Variants in SLC30A1 observed in about 807,000 individuals in gnomAD.
SLC30A1 encodes the protein proton-coupled zinc antiporter SLC30A1.
SLC30A1 carries 7 observed loss-of-function variants against 29.8 expected under a neutral mutation model. The observed-to-expected ratio is 0.23, with a 90% CI of 0.13 to 0.44. SLC30A1 has a LOEUF of 0.44. Ranked by LOEUF, SLC30A1 falls within the 20% of genes least tolerant of loss-of-function variation. The pLI, the probability that SLC30A1 is intolerant of heterozygous loss-of-function variation, is 1.00. For synonymous variants in SLC30A1, 254 were observed against 253.5 expected (o/e 1.00, Z -0.02); for missense variants, 446 against 647.9 (o/e 0.69, Z 3.38).
Position 211,577,927 on chromosome 1 carries a change from A to C in SLC30A1, c.622+64T>G, listed in dbSNP as rs1706741447. 6 of 1,593,126 alleles carry C rather than the reference A, an allele frequency of 3.8e-6. No individual in the cohort carries two copies. Among genetic ancestry groups the C allele is most frequent in the South Asian group, 3.4e-5 (3 of 89,072 alleles). ...GGGGGCGTGCGGGCCACCCCGCCGAAGGCCAGGCGAGGCTCTGGGCACCCC... is the reference window on the plus strand; with the variant it reads ...GGGGGCGTGCGGGCCACCCCGCCGACGGCCAGGCGAGGCTCTGGGCACCCC... On this transcript the variant is annotated intron_variant, in intron 1 of 1. Coordinates refer to ENST00000367001, the MANE Select transcript of SLC30A1 (RefSeq NM_021194.3). The surrounding 1 kb of genome is among the most constrained non-coding windows in gnomAD (Gnocchi z 4.5).
Position 211,574,865 on chromosome 1 carries a change from T to A in SLC30A1, c.*523A>T, listed in dbSNP as rs1706699728. 1 of 153,342 alleles carries A rather than the reference T, an allele frequency of 6.5e-6. No homozygotes were observed. The highest frequency in any genetic ancestry group is 1.5e-5 in the Non-Finnish European group (1 of 68,860). 9.5% of individuals were successfully genotyped at this position (153,342 alleles called of 1,614,324 possible). ...ATACAGGATAGTAACTGATCTTATTTCCTACTAATAGCCATGAGTCACTCT... is the reference window on the plus strand; with the variant it reads ...ATACAGGATAGTAACTGATCTTATTACCTACTAATAGCCATGAGTCACTCT... On this transcript the variant is annotated 3_prime_UTR_variant, in exon 2 of 2. Transcript: ENST00000367001.
chr1:211,572,060 T>C lies in SLC30A1; in HGVS notation c.*3328A>G, dbSNP rs1706660012. On this transcript the variant is annotated 3_prime_UTR_variant, in exon 2 of 2. Transcript: ENST00000367001. The stretch of plus-strand genomic sequence containing the variant: ...GTTTAAAAGTTTAAATTGAATAACA[T>C]ACAAAAGGCTCTTGTGCCAGTGAAA... 6.6e-6 allele frequency: 1 copy of C among 152,106 alleles called. No individual in the cohort carries two copies. Among genetic ancestry groups the C allele is most frequent in the South Asian group, 2.1e-4 (1 of 4,830 alleles). 9.4% of individuals were successfully genotyped at this position (152,106 alleles called of 1,614,324 possible). A position where few individuals can be genotyped will look rare whatever the true frequency, so the allele number is the denominator to read the frequency against.
Position 211,575,221 on chromosome 1 carries a change from TA to T in SLC30A1, c.*166del, listed in dbSNP as rs1463148321. 3 of 621,956 alleles carry T rather than the reference TA, an allele frequency of 4.8e-6. No individual in the cohort carries two copies. Among genetic ancestry groups the T allele is most frequent in the Non-Finnish European group, 8.4e-6 (3 of 359,270 alleles). The allele number at this position is 621,956 out of a possible 1,614,324, so 38.5% of individuals were successfully genotyped here. A position where few individuals can be genotyped will look rare whatever the true frequency, so the allele number is the denominator to read the frequency against. ...TGTACTAATAATCACAAAATTGTAA[TA>T]TAGAACTCTGTTATGCAGTCCCATT... On this transcript the variant is annotated 3_prime_UTR_variant, in exon 2 of 2. Coordinates refer to ENST00000367001, the MANE Select transcript of SLC30A1 (RefSeq NM_021194.3). The surrounding 1 kb of genome is among the most constrained non-coding windows in gnomAD (Gnocchi z 6.0).
rs1706660374 is a variant in SLC30A1, at chr1:211,572,069, C to T, written c.*3319G>A. On this transcript the variant is annotated 3_prime_UTR_variant, in exon 2 of 2. Transcript: ENST00000367001. ...TTTAAATTGAATAACATACAAAAGG[C>T]TCTTGTGCCAGTGAAAATGACTGCT... 1 of 152,048 alleles carries T rather than the reference C, an allele frequency of 6.6e-6. No homozygotes were observed. 9.4% of individuals were successfully genotyped at this position (152,048 alleles called of 1,614,324 possible).
In SLC30A1 at chr1:211,573,119, C is replaced by T. The variant is rs1181344785; in HGVS notation, c.*2269G>A. ...TTTTTAAAAGATAATGCTAATATAG[C>T]TACAATGGGTTAGAAAGTGCATTGT... On this transcript the variant is annotated 3_prime_UTR_variant, in exon 2 of 2. Transcript: ENST00000367001. 3 of 151,904 alleles carry T rather than the reference C, an allele frequency of 2.0e-5. No individual in the cohort carries two copies. The highest frequency in any genetic ancestry group is 4.4e-5 in the Non-Finnish European group (3 of 67,888). 9.4% of individuals were successfully genotyped at this position (151,904 alleles called of 1,614,324 possible).
In SLC30A1 at chr1:211,578,760, G is replaced by A. The variant is rs1377290817; in HGVS notation, c.-148C>T. The A allele has an allele frequency of 1.4e-6, 1 of 711,034 alleles. No homozygotes were observed. Among genetic ancestry groups the A allele is most frequent in the Non-Finnish European group, 2.0e-6 (1 of 493,150 alleles). The allele number at this position is 711,034 out of a possible 1,614,324, so 44.0% of individuals were successfully genotyped here. On this transcript the variant is annotated 5_prime_UTR_variant, in exon 1 of 2. Coordinates refer to ENST00000367001, the MANE Select transcript of SLC30A1 (RefSeq NM_021194.3). Reference sequence around the variant, plus strand: ...CGCTGAGGGGCCCCCGCGGCCGCACGGGGACAAGCCCGGGTCAAGCCGCCG... The same window carrying A: ...CGCTGAGGGGCCCCCGCGGCCGCACAGGGACAAGCCCGGGTCAAGCCGCCG...
Position 211,578,704 on chromosome 1 carries a change from A to G in SLC30A1, c.-92T>C, listed in dbSNP as rs1010334124. 3 of 1,308,424 alleles carry G rather than the reference A, an allele frequency of 2.3e-6. No homozygotes were observed. In the African/African-American group the frequency reaches 4.7e-5, roughly 21 times the overall value. The allele number at this position is 1,308,424 out of a possible 1,614,324, so 81.1% of individuals were successfully genotyped here. A position where few individuals can be genotyped will look rare whatever the true frequency, so the allele number is the denominator to read the frequency against. ...CGGAGGGTCGGCGACCGCGACACGG[A>G]GGAGCGCCCGAGTCGGGCCGTTCGG... On this transcript the variant is annotated 5_prime_UTR_variant, in exon 1 of 2. Transcript: ENST00000367001.
chr1:211,578,247 G>A lies in SLC30A1; in HGVS notation c.366C>T (p.Ala122=), dbSNP rs1706747532. The A allele has an allele frequency of 5.0e-6, 8 of 1,612,006 alleles. No homozygotes were observed. The highest frequency in any genetic ancestry group is 6.8e-6 in the Non-Finnish European group (8 of 1,179,468). Residue 122 remains alanine, a synonymous_variant, in exon 1 of 2, where the codon GCC becomes GCT. Transcript: ENST00000367001. ...QPLVVLGVGV[A]GLLVNVLGLC... ...GCCCCAGCACGTTGACCAGCAGCCC[G>A]GCCACGCCGACCCCAAGGACCACCA...
Position 211,575,300 on chromosome 1 carries a change from ACAC to A in SLC30A1, c.*85_*87del. On this transcript the variant is annotated 3_prime_UTR_variant, in exon 2 of 2. Transcript: ENST00000367001. The surrounding 1 kb of genome is among the most constrained non-coding windows in gnomAD (Gnocchi z 6.0). ...GTGTGACCAGACAAGGACTTCAATT[ACAC>A]TACTTGGCAAACTTAGAATTTCAGT... The A allele has an allele frequency of 8.9e-7, 1 of 1,127,922 alleles. No homozygotes were observed. Among genetic ancestry groups the A allele is most frequent in the Admixed American group, 2.3e-5 (1 of 43,102 alleles). The allele number at this position is 1,127,922 out of a possible 1,614,324, so 69.9% of individuals were successfully genotyped here. A position where few individuals can be genotyped will look rare whatever the true frequency, so the allele number is the denominator to read the frequency against.
Position 211,574,107 on chromosome 1 carries a change from A to G in SLC30A1, c.*1281T>C, listed in dbSNP as rs972684688. ...TCAAGGACAAAAATCTAATTTTGTC[A>G]CAAAGCATACCCTCTATCAAGAAAA... On this transcript the variant is annotated 3_prime_UTR_variant, in exon 2 of 2. Coordinates refer to ENST00000367001, the MANE Select transcript of SLC30A1 (RefSeq NM_021194.3). 1.3e-5 allele frequency: 2 copies of G among 152,594 alleles called. No homozygotes were observed. The highest frequency in any genetic ancestry group is 3.9e-4 in the East Asian group (2 of 5,190). The allele number at this position is 152,594 out of a possible 1,614,324, so 9.5% of individuals were successfully genotyped here.
Position 211,578,271 on chromosome 1 carries a change from C to T in SLC30A1, c.342G>A (p.Leu114=). 6.2e-7 allele frequency: 1 copy of T among 1,612,262 alleles called. No individual in the cohort carries two copies. Among genetic ancestry groups the T allele is most frequent in the Non-Finnish European group, 8.5e-7 (1 of 1,179,600 alleles). Residue 114 remains leucine (L), a synonymous_variant, in exon 1 of 2, where the codon CTG becomes CTA. Transcript: ENST00000367001. Reference sequence around the variant, plus strand: ...CGGCCACGCCGACCCCAAGGACCACCAGCGGCTGCTGCATCTCGTGCGGCT... The same window carrying T: ...CGGCCACGCCGACCCCAAGGACCACTAGCGGCTGCTGCATCTCGTGCGGCT... ...FIEPHEMQQP[L]VVLGVGVAGL...
rs1404130206 is a variant in SLC30A1 at position 211,571,893 on chromosome 1, T to TA, written c.*3494dup. The TA allele has an allele frequency of 1.3e-5, 2 of 152,196 alleles. No individual in the cohort carries two copies. Among genetic ancestry groups the TA allele is most frequent in the Admixed American group, 1.3e-4 (2 of 15,290 alleles). 9.4% of individuals were successfully genotyped at this position (152,196 alleles called of 1,614,324 possible). ...GTTTCATAATCACAGAATATACTGA[T>TA]ACACTTCATTGTGCTGTTTCAAGGC... On this transcript the variant is annotated 3_prime_UTR_variant, in exon 2 of 2. Coordinates refer to ENST00000367001, the MANE Select transcript of SLC30A1 (RefSeq NM_021194.3).
chr1:211,575,666 T>C lies in SLC30A1; in HGVS notation c.1246A>G (p.Thr416Ala). 1 of 1,614,176 alleles carries C rather than the reference T, an allele frequency of 6.2e-7. No homozygotes were observed. ...ACACTAGCAAATTCAGGCTGAATGG[T>C]AGTAGCGTGAATTCCGTGATTATGA... ...VFHNHGIHATTIQPEFASVGS... is the reference protein window; with the variant it reads ...VFHNHGIHATAIQPEFASVGS... The change falls in exon 2 of 2, where the codon ACC becomes GCC. Residue 416 changes from threonine to alanine, a missense_variant. Around this residue, in one of 5 missense-constraint regions of SLC30A1, gnomAD observed 187 missense variants for 312.7 expected, o/e 0.60. Transcript: ENST00000367001. The surrounding 1 kb of genome is among the most constrained non-coding windows in gnomAD (Gnocchi z 6.0).
chr1:211,577,609 T>A lies in SLC30A1; in HGVS notation c.622+382A>T, dbSNP rs896199641. On this transcript the variant is annotated intron_variant, in intron 1 of 1. Transcript: ENST00000367001. This position sits in a 1 kb window ranked among gnomAD's most constrained non-coding sequence, Gnocchi z 4.5. The stretch of plus-strand genomic sequence containing the variant: ...TCCCAAGAGGGCCAAGGAATTGAAT[T>A]GGGAAGCATTTCTGACGCTGTTATA... Among the ~76,000 whole-genome samples the A allele has an allele frequency of 6.6e-6, 1 of 152,158 alleles. No individual in the cohort carries two copies. The highest frequency in any genetic ancestry group is 1.9e-4 in the East Asian group (1 of 5,196).
rs1706759625 is a variant in SLC30A1, at chr1:211,579,148, C to G, written c.-536G>C. Among the ~76,000 whole-genome samples, 1 of 152,236 alleles carries G rather than the reference C, an allele frequency of 6.6e-6. No individual in the cohort carries two copies. The highest frequency in any genetic ancestry group is 1.5e-5 in the Non-Finnish European group (1 of 68,036). ...ACGGCAGCTGCACTCGGCCCGGTCTCGGGCGCCTTCTTCGCCCCCCCGCCT... is the reference window on the plus strand; with the variant it reads ...ACGGCAGCTGCACTCGGCCCGGTCTGGGGCGCCTTCTTCGCCCCCCCGCCT... On this transcript the variant is annotated 5_prime_UTR_variant, in exon 1 of 2. Transcript: ENST00000367001.
chr1:211,576,248 C>T lies in SLC30A1; in HGVS notation c.664G>A (p.Val222Met). ...GGTTCTCTGACAAGATTTCCATTCA[C>T]TTGTACTTCCACTGTATCACCACTT... The part of the protein sequence containing the change: ...PRSGDTVEVQ[V>M]NGNLVREPDH... The change falls in exon 2 of 2, where the codon GTG (valine) becomes ATG (methionine). Residue 222 changes from valine to methionine, a missense_variant. Coordinates refer to ENST00000367001, the MANE Select transcript of SLC30A1 (RefSeq NM_021194.3). The T allele has an allele frequency of 1.2e-6, 2 of 1,610,982 alleles. No individual in the cohort carries two copies. The highest frequency in any genetic ancestry group is 1.7e-6 in the Non-Finnish European group (2 of 1,179,052).
At position 211,575,200 on chromosome 1, in the gene SLC30A1, C is replaced by T. The variant is rs1450398476; in HGVS notation, c.*188G>A. ...AGTCACAGCATAGCTGTACTCTGTA[C>T]TAATAATCACAAAATTGTAATATAG... On this transcript the variant is annotated 3_prime_UTR_variant, in exon 2 of 2. Transcript: ENST00000367001. The surrounding 1 kb of genome is among the most constrained non-coding windows in gnomAD (Gnocchi z 6.0). The T allele has an allele frequency of 8.6e-6, 5 of 579,744 alleles. No individual in the cohort carries two copies. The highest frequency in any genetic ancestry group is 1.5e-5 in the Non-Finnish European group (5 of 332,350). The allele number at this position is 579,744 out of a possible 1,614,324, so 35.9% of individuals were successfully genotyped here. A position where few individuals can be genotyped will look rare whatever the true frequency, so the allele number is the denominator to read the frequency against.
rs988291473 is a variant in SLC30A1 at position 211,573,217 on chromosome 1, GA to G, written c.*2170del. ...CCACTGTTTCTGCCGACAGTCATTT[GA>G]AAAAAGAAAATCCTATGGTACCACC... On this transcript the variant is annotated 3_prime_UTR_variant, in exon 2 of 2. Transcript: ENST00000367001. 4 of 151,882 alleles carry G rather than the reference GA, an allele frequency of 2.6e-5. No individual in the cohort carries two copies. Among genetic ancestry groups the G allele is most frequent in the Non-Finnish European group, 4.4e-5 (3 of 67,846 alleles). 9.4% of individuals were successfully genotyped at this position (151,882 alleles called of 1,614,324 possible). A position where few individuals can be genotyped will look rare whatever the true frequency, so the allele number is the denominator to read the frequency against.
Position 211,578,217 on chromosome 1 carries a change from G to A in SLC30A1, c.396C>T (p.Cys132=), listed in dbSNP as rs959312159. 1.9e-6 allele frequency: 3 copies of A among 1,611,166 alleles called. No homozygotes were observed. The African/African-American group carries it at 4.0e-5, about 22-fold the overall frequency. The part of the protein sequence containing the change: ...AGLLVNVLGL[C]LFHHHSGFSQ... The stretch of plus-strand genomic sequence containing the variant: ...TGAAGCCGCTGTGATGGTGGAAGAG[G>A]CAGAGCCCCAGCACGTTGACCAGCA... Residue 132 remains cysteine (C), a synonymous_variant, in exon 1 of 2, where the codon TGC becomes TGT. Coordinates refer to ENST00000367001, the MANE Select transcript of SLC30A1 (RefSeq NM_021194.3).
Sources: gnomAD v4.1 joint callset for allele counts (sites outside exome capture counted in the v4.1 genomes callset) on GRCh38, gnomAD v4.1.1 for gene constraint, gnomAD v4.1.1 regional missense constraint, Gnocchi (gnomAD v3.1) non-coding constraint, MANE v1.5 for transcripts, NCBI Gene and HGNC (gene_info 2026-07-23, HGNC 2026-07-21) for gene names.